The following FHIT variants were observed in gnomAD, a reference collection of about 807,000 sequenced individuals.
The protein encoded by FHIT is fragile histidine triad diadenosine triphosphatase.
Under a neutral mutation model 17.9 loss-of-function variants are expected in FHIT, and 19 were observed. The ratio of observed to expected loss-of-function variants is 1.06; its 90% CI spans 0.74 to 1.56. The LOEUF is 1.56. Among genes scored for constraint, FHIT ranks in the 40% most tolerant of loss-of-function variants. FHIT has a pLI of 0.00. For synonymous variants in FHIT, 81 were observed against 69.7 expected, an observed-to-expected ratio of 1.16 and a Z score of -0.81; for missense variants, 248 against 189.2, an observed-to-expected ratio of 1.31 and a Z score of -1.82.
At chr3:59,932,427 G>T (rs1006533517) in intron 7 of FHIT, among the ~76,000 whole-genome samples, 2 of 152,250 alleles carry the variant, frequency 1.3e-5, no homozygotes, top group Middle Eastern at 3.4e-3. Context: ...ATTTGTCTTT[G>T]TAAAGCAAAG....
At chr3:61,020,606 C>T (rs925275609) in intron 3 of FHIT, among the ~76,000 whole-genome samples, 7 of 152,170 alleles carry the variant, frequency 4.6e-5, no homozygotes, top group African/African-American at 1.7e-4. Flanking sequence ...GAAAAAACTG[C>T]ATCACCTAAT....
intron 4 of FHIT, among the ~76,000 whole-genome samples, chr3:60,562,014 T>C (rs2036971059): frequency 6.6e-6 from 1 of 152,104 alleles, no homozygotes; most frequent in Non-Finnish European, 1.5e-5. Flanking sequence ...CCAGTTAACT[T>C]GATCCACTAG....
intron 5 of FHIT, among the ~76,000 whole-genome samples, chr3:60,462,845 C>T (rs1339924584): frequency 6.6e-6 from 1 of 152,164 alleles, no homozygotes; most frequent in African/African-American, 2.4e-5. Context: ...ACTTTTCTGG[C>T]TGTATCTACA....
In FHIT at chr3:59,843,514, T is replaced by C. The variant is rs926745256; in HGVS notation, c.348+78832A>G. ...GTCTATAGATCGCTTTGTATAGTATTGAAAACAATATTAAATCTTCTAATC... is the reference window on the plus strand; with the variant it reads ...GTCTATAGATCGCTTTGTATAGTATCGAAAACAATATTAAATCTTCTAATC... On this transcript the variant is annotated intron_variant, in intron 8 of 9. Transcript: ENST00000492590. 9.2e-5 allele frequency among the ~76,000 whole-genome samples: 14 copies of C among 152,194 alleles called. 1 individual carries two copies. Among genetic ancestry groups the C allele is most frequent in the Admixed American group, 5.2e-4 (8 of 15,272 alleles).
chr3:60,557,078 C>T (rs1428974699), intron 4 of FHIT, among the ~76,000 whole-genome samples: 1 of 152,162 alleles, frequency 6.6e-6, no homozygotes, highest in East Asian at 1.9e-4. Context: ...TCCTGTAGCC[C>T]TTGCTATATA....
At chr3:59,986,535 A>ATTTATACATT (rs1559523619) in intron 7 of FHIT, among the ~76,000 whole-genome samples, 197 of 6,114 alleles carry the variant, frequency 0.032, no homozygotes, top group East Asian at 0.079. Flanking sequence ...ATATATATAT[A>ATTTATACATT]TATATACACA....
intron 4 of FHIT, among the ~76,000 whole-genome samples, chr3:60,791,330 G>C (rs1700769938): frequency 6.6e-6 from 1 of 151,526 alleles, no homozygotes. Flanking sequence ...ACATAAATCA[G>C]CAACTCAAAG....
At chr3:59,840,695 A>T (rs1038207554) in intron 8 of FHIT, among the ~76,000 whole-genome samples, 1 of 152,098 alleles carries the variant, frequency 6.6e-6, no homozygotes, top group Non-Finnish European at 1.5e-5. Context: ...ACATCACTCA[A>T]CGTCCCCAGT....
intron 5 of FHIT, among the ~76,000 whole-genome samples, chr3:60,454,743 T>G (rs1344886487): frequency 6.6e-6 from 1 of 152,150 alleles, no homozygotes; most frequent in African/African-American, 2.4e-5. Context: ...CCATTTCTTG[T>G]GCACATCTGG....
chr3:61,231,300 T>C (rs566602079), intron 1 of FHIT, among the ~76,000 whole-genome samples: 3 of 152,132 alleles, frequency 2.0e-5, no homozygotes, highest in East Asian at 1.9e-4. Flanking sequence ...GAAACCAGCC[T>C]GGACAACATA....
At chr3:61,114,689 T>G (rs973682089) in intron 2 of FHIT, among the ~76,000 whole-genome samples, 3 of 152,168 alleles carry the variant, frequency 2.0e-5, no homozygotes, top group Non-Finnish European at 4.4e-5. Context: ...GACCCTGTCC[T>G]GTTAATGCAA....
rs1308132090 is a variant in FHIT at position 60,966,094 on chromosome 3, G to A, written c.-111+75953C>T. Among the ~76,000 whole-genome samples, 4 of 152,024 alleles carry A rather than the reference G, an allele frequency of 2.6e-5. No homozygotes were observed. The South Asian group carries it at 6.2e-4, about 24-fold the overall frequency. ...AGCTGCGGTGGGCTCCACCCATTTC[G>A]AGCTTCTAGGCCGCTTTGTTTACCC... On this transcript the variant is annotated intron_variant, in intron 3 of 9. Coordinates refer to ENST00000492590, the MANE Select transcript of FHIT (RefSeq NM_002012.4).
intron 3 of FHIT, among the ~76,000 whole-genome samples, chr3:60,869,383 C>A (rs1293193730): frequency 6.6e-6 from 1 of 152,148 alleles, no homozygotes. Context: ...CCAGTTCCCC[C>A]CAGTGCCGGG....
At chr3:60,830,773 T>C (rs910952211) in intron 3 of FHIT, among the ~76,000 whole-genome samples, 1 of 152,130 alleles carries the variant, frequency 6.6e-6, no homozygotes, top group Non-Finnish European at 1.5e-5. Flanking sequence ...ATTATCGATA[T>C]TAGAGCAAAG....
chr3:61,151,401 T>A (rs2037384572), intron 2 of FHIT, among the ~76,000 whole-genome samples: 1 of 152,174 alleles, frequency 6.6e-6, no homozygotes, highest in Non-Finnish European at 1.5e-5. Context: ...CTGCATTATT[T>A]ATCTTAGCAT....
intron 3 of FHIT, among the ~76,000 whole-genome samples, chr3:60,963,998 G>C (rs965019666): frequency 2.0e-5 from 3 of 152,142 alleles, no homozygotes; most frequent in Non-Finnish European, 4.4e-5. Context: ...TTAACTTTCT[G>C]TCTCATTGAT....
intron 4 of FHIT, among the ~76,000 whole-genome samples, chr3:60,801,339 T>A (rs535438072): frequency 6.6e-6 from 1 of 152,274 alleles, no homozygotes; most frequent in Admixed American, 6.5e-5. Flanking sequence ...AGGCTTCAGG[T>A]CACACTTGCC....
intron 5 of FHIT, among the ~76,000 whole-genome samples, chr3:60,276,712 T>A (rs1321096751): frequency 6.6e-6 from 1 of 152,106 alleles, no homozygotes; most frequent in Non-Finnish European, 1.5e-5. Context: ...ATAGGAAGCA[T>A]AACACTAGCA....
chr3:60,664,732 G>T (rs1553692037), intron 4 of FHIT, among the ~76,000 whole-genome samples: 4 of 144,732 alleles, frequency 2.8e-5, no homozygotes, highest in Admixed American at 6.8e-5. Context: ...TTTAGAAATT[G>T]GTCTATTTCT....
Sources: gnomAD v4.1 joint callset for allele counts (sites outside exome capture counted in the v4.1 genomes callset) on GRCh38, gnomAD v4.1.1 for gene constraint, MANE v1.5 for transcripts, NCBI Gene and HGNC (gene_info 2026-07-23, HGNC 2026-07-21) for gene names.